The following WLS variants were observed in gnomAD, a reference collection of about 807,000 sequenced individuals.
The protein encoded by WLS is protein wntless homolog.
WLS carries 23 observed loss-of-function variants against 62.8 expected under a neutral mutation model. The ratio of observed to expected loss-of-function variants is 0.37; its 90% CI spans 0.26 to 0.52. The LOEUF is 0.52. Ranked by LOEUF, WLS falls within the 20% of genes least tolerant of loss-of-function variation. The probability of loss-of-function intolerance (pLI) is 0.92; values close to 1 mark genes in which losing one functional copy is unlikely to be tolerated. For missense variants in WLS, 615 were observed against 697.3 expected, an observed-to-expected ratio of 0.88 and a Z score of 1.33; for synonymous variants, 246 against 244.1, an observed-to-expected ratio of 1.01 and a Z score of -0.07.
intron 2 of WLS, chr1:68,162,724 A>G: frequency 8.5e-7 from 1 of 1,172,792 alleles, no homozygotes; most frequent in Non-Finnish European, 1.3e-6. Flanking sequence ...GATATTGCAC[A>G]CAGCAATTCC....
chr1:68,205,633 T>C (rs973341198), intron 1 of WLS, among the ~76,000 whole-genome samples: 1 of 152,248 alleles, frequency 6.6e-6, no homozygotes, highest in African/African-American at 2.4e-5. Context: ...ATATAACTAA[T>C]GTTTGAAGAT....
chr1:68,213,009 C>A (rs1649577123), intron 1 of WLS, among the ~76,000 whole-genome samples: 1 of 152,104 alleles, frequency 6.6e-6, no homozygotes, highest in South Asian at 2.1e-4. Context: ...TGATAGGTAA[C>A]CTAACATGTC....
chr1:68,218,409 C>T (rs1649819940), intron 1 of WLS, among the ~76,000 whole-genome samples: 1 of 152,150 alleles, frequency 6.6e-6, no homozygotes, highest in South Asian at 2.1e-4. Flanking sequence ...CTATATTTCT[C>T]TGAACCAGTA....
chr1:68,127,046 T>C, intron 11 of WLS: 2 of 380,486 alleles, frequency 5.3e-6, no homozygotes, highest in South Asian at 1.9e-5. Context: ...TTTGTTTTAA[T>C]TACCTGCGTG....
chr1:68,119,092 A>G (rs1240842694), intron 11 of WLS, among the ~76,000 whole-genome samples: 2 of 152,142 alleles, frequency 1.3e-5, no homozygotes, highest in African/African-American at 4.8e-5. Context: ...ATGTCCAGTA[A>G]AAATTATGAA....
intron 1 of WLS, among the ~76,000 whole-genome samples, chr1:68,205,224 C>T (rs1213982344): frequency 2.0e-5 from 3 of 152,184 alleles, no homozygotes; most frequent in Non-Finnish European, 4.4e-5. Context: ...CAGAGACTCA[C>T]TTCCTACAAA....
chr1:68,099,733 T>C (rs969816462), intron 11 of WLS: 5 of 152,242 alleles, frequency 3.3e-5, no homozygotes, highest in African/African-American at 1.2e-4. Context: ...TTTTAGAATA[T>C]TTCCAATCCA....
intron 2 of WLS, among the ~76,000 whole-genome samples, chr1:68,192,787 ACAG>A (rs1648395496): frequency 4.2e-5 from 6 of 142,838 alleles, no homozygotes; most frequent in Admixed American, 7.2e-5. Context: ...AAAAAAAAAA[ACAG>A]AAGAAGAAAG....
intron 1 of WLS, among the ~76,000 whole-genome samples, chr1:68,209,223 C>A (rs568617987): frequency 2.8e-4 from 43 of 152,274 alleles, no homozygotes; most frequent in South Asian, 1.0e-3. Context: ...TGGTGGAGAA[C>A]CTCTGCTTTA....
chr1:68,208,307 A>T (rs1649367440), intron 1 of WLS, among the ~76,000 whole-genome samples: 1 of 152,210 alleles, frequency 6.6e-6, no homozygotes, highest in Admixed American at 6.5e-5. Flanking sequence ...CTCTCTTCAG[A>T]TAAAGAGAAT....
In WLS at chr1:68,194,138, A is replaced by C; in HGVS notation, c.196T>G (p.Trp66Gly). 6.2e-7 allele frequency: 1 copy of C among 1,614,222 alleles called. No individual in the cohort carries two copies. Residue 66 changes from tryptophan to glycine, a missense_variant, in exon 2 of 12, where the codon TGG (tryptophan) becomes GGG (glycine). Physicochemically the swap from Trp to Gly is radical, Grantham distance 184. Transcript: ENST00000262348. ...ATCTTGTCACAATGATTGGGTCCCC[A>C]AGGCACGAACCATTTTGTCTTGTGA... Reference protein sequence around the residue: ...NHHKTKWFVPWGPNHCDKIRD... With the variant: ...NHHKTKWFVPGGPNHCDKIRD...
chr1:68,145,811 A>G, intron 9 of WLS, 58 bp downstream of exon 9: 1 of 1,605,162 alleles, frequency 6.2e-7, no homozygotes, highest in Non-Finnish European at 8.5e-7. Flanking sequence ...GTGTTTACAC[A>G]TCAAGTGGAA....
At chr1:68,199,647 A>G (rs1369113457) in intron 1 of WLS, among the ~76,000 whole-genome samples, 1 of 152,216 alleles carries the variant, frequency 6.6e-6, no homozygotes, top group Non-Finnish European at 1.5e-5. Context: ...AATCAGTGGT[A>G]TAATTCTACT....
intron 1 of WLS, among the ~76,000 whole-genome samples, chr1:68,217,227 T>C (rs1649766491): frequency 1.3e-5 from 2 of 152,188 alleles, no homozygotes; most frequent in Admixed American, 6.5e-5. Context: ...CTTTTCACAA[T>C]CTCAATTGCA....
intron 1 of WLS, among the ~76,000 whole-genome samples, chr1:68,199,376 C>T (rs1032513474): frequency 1.3e-5 from 2 of 152,052 alleles, no homozygotes; most frequent in Admixed American, 6.6e-5. Flanking sequence ...ACAGGATGCT[C>T]CAGTTGTAAA....
At chr1:68,128,877 G>A (rs56149204) in intron 11 of WLS, among the ~76,000 whole-genome samples, 37,741 of 151,920 alleles carry the variant, frequency 0.25, 4,984 homozygotes, top group East Asian at 0.33. Flanking sequence ...GGCCCAAGCT[G>A]CTAAATAGTG....
chr1:68,152,431 A>C (rs1646839414), intron 5 of WLS, among the ~76,000 whole-genome samples: 1 of 152,252 alleles, frequency 6.6e-6, no homozygotes, highest in Non-Finnish European at 1.5e-5. Flanking sequence ...GGAAGGAGAC[A>C]GGAATGGAAT....
At chr1:68,214,574 C>T (rs1414034028) in intron 1 of WLS, among the ~76,000 whole-genome samples, 1 of 152,136 alleles carries the variant, frequency 6.6e-6, no homozygotes, top group East Asian at 1.9e-4. Context: ...CCATGTTAGC[C>T]AGGCTAGTCT....
chr1:68,161,250 G>C (rs371931856), intron 2 of WLS, among the ~76,000 whole-genome samples: 62 of 152,226 alleles, frequency 4.1e-4, no homozygotes, highest in Non-Finnish European at 6.9e-4. Flanking sequence ...AATCCTATGC[G>C]AGCAAGTGTC....
Sources: gnomAD v4.1 joint callset for allele counts (sites outside exome capture counted in the v4.1 genomes callset) on GRCh38, gnomAD v4.1.1 for gene constraint, MANE v1.5 for transcripts, NCBI Gene and HGNC (gene_info 2026-07-23, HGNC 2026-07-21) for gene names.